Variants in BAZ1B observed in about 807,000 individuals in gnomAD.
The protein encoded by BAZ1B is bromodomain adjacent to zinc finger domain 1B.
A neutral mutation model predicts 153.8 loss-of-function variants in BAZ1B; 22 were observed. That is an observed-to-expected ratio of 0.14 (90% CI 0.10 to 0.20). BAZ1B has a LOEUF of 0.20. BAZ1B is among the 10% of genes least tolerant of loss of function. The pLI is 1.00. For missense variants in BAZ1B, 1,325 were observed against 1,799.3 expected, an observed-to-expected ratio of 0.74 and a Z score of 4.77; for synonymous variants, 676 against 633.4, an observed-to-expected ratio of 1.07 and a Z score of -1.01.
At chr7:73,442,902 G>A (rs1787682604) in intron 17 of BAZ1B, 74 bp from the exon 18 acceptor site, 13 of 1,102,606 alleles carry the variant, frequency 1.2e-5, no homozygotes, top group South Asian at 2.7e-5. Flanking sequence ...GAAAATAAGT[G>A]TATCTGCTCA....
At position 73,484,038 on chromosome 7, in the gene BAZ1B, C is replaced by A. The variant is rs184825654; in HGVS notation, c.891+5156G>T. On this transcript the variant is annotated intron_variant, in intron 6 of 19. Coordinates refer to ENST00000339594, the MANE Select transcript of BAZ1B (RefSeq NM_032408.4). ...ATCCCAGCACTTTGGGAGGCCGAGG[C>A]TGGTGGATCACAAGGTCCAGGGATT... 7.8e-3 allele frequency among the ~76,000 whole-genome samples: 1,182 copies of A among 152,240 alleles called. 17 individuals carry two copies. Among genetic ancestry groups the A allele is most frequent in the African/African-American group, 0.028 (1,157 of 41,544 alleles).
intron 1 of BAZ1B, 119 bp from the exon 2 acceptor site, chr7:73,510,971 G>T: frequency 1.2e-6 from 1 of 815,694 alleles, no homozygotes; most frequent in South Asian, 1.7e-5. Flanking sequence ...TAGCATGAGA[G>T]GATAAAAATG....
At chr7:73,500,726 A>G (rs1554577012) in intron 3 of BAZ1B, among the ~76,000 whole-genome samples, 1 of 151,496 alleles carries the variant, frequency 6.6e-6, no homozygotes, top group Non-Finnish European at 1.5e-5. Context: ...CTTCGTCTCT[A>G]CTAAAAATAC....
At chr7:73,485,381 G>A (rs1417106545) in intron 6 of BAZ1B, among the ~76,000 whole-genome samples, 2 of 152,092 alleles carry the variant, frequency 1.3e-5, no homozygotes, top group Non-Finnish European at 2.9e-5. Context: ...AACACTTTGG[G>A]AGGCTGAGGC....
intron 15 of BAZ1B, 118 bp downstream of exon 15, chr7:73,449,424 G>C: frequency 1.6e-6 from 2 of 1,253,256 alleles, no homozygotes; most frequent in East Asian, 5.2e-5. Flanking sequence ...ATCAGGCTCT[G>C]TACCCAAAAG....
chr7:73,444,580 C>G (rs1447477286), intron 16 of BAZ1B, among the ~76,000 whole-genome samples: 3 of 152,138 alleles, frequency 2.0e-5, no homozygotes, highest in Non-Finnish European at 4.4e-5. Flanking sequence ...GTTGTAATTC[C>G]CAGAGTTATT....
chr7:73,459,422 C>T, intron 13 of BAZ1B, 114 bp downstream of exon 13: 3 of 997,434 alleles, frequency 3.0e-6, no homozygotes, highest in Non-Finnish European at 2.9e-6. Flanking sequence ...CACACAAAAA[C>T]ACTCACTCAG....
chr7:73,456,201 T>C (rs1554569505), intron 13 of BAZ1B, among the ~76,000 whole-genome samples: 2 of 151,946 alleles, frequency 1.3e-5, no homozygotes, highest in South Asian at 2.1e-4. Context: ...CTATAAAATA[T>C]CTAGAAAAAT....
At chr7:73,467,661 G>A (rs1453466447) in intron 9 of BAZ1B, among the ~76,000 whole-genome samples, 2 of 152,190 alleles carry the variant, frequency 1.3e-5, no homozygotes, top group Non-Finnish European at 2.9e-5. Context: ...ATCAGCCACT[G>A]CATCCAGCCT....
At position 73,492,802 on chromosome 7, in the gene BAZ1B, T is replaced by C. The variant is rs1007211240; in HGVS notation, c.691A>G (p.Lys231Glu). The C allele has an allele frequency of 3.1e-6, 5 of 1,602,830 alleles. No homozygotes were observed. The highest frequency in any genetic ancestry group is 4.3e-6 in the Non-Finnish European group (5 of 1,176,432). The part of the protein sequence containing the change: ...KYDVKLQNED[K>E]IISNVPADSL... ...TAAAAAGTAAAGTGTCAACTAACCT[T>C]ATCTTCATTTTGTAGTTTCACATCA... Residue 231 changes from lysine (K) to glutamate (E), a missense_variant and splice_region_variant, in exon 5 of 20, where the codon AAG (lysine) becomes GAG (glutamate). By Grantham distance (56) the Lys-to-Glu change is moderately conservative (BLOSUM62 1). Around this residue, in one of 9 missense-constraint regions of BAZ1B, gnomAD observed 153 missense variants for 204.8 expected, o/e 0.75. Coordinates refer to ENST00000339594, the MANE Select transcript of BAZ1B (RefSeq NM_032408.4).
chr7:73,494,070 G>A (rs116087110), intron 4 of BAZ1B, among the ~76,000 whole-genome samples: 1,911 of 151,960 alleles, frequency 0.013, 43 homozygotes, highest in African/African-American at 0.044. Context: ...ACTAACTACG[G>A]TGCATTTTGG....
rs190688096 is a variant in BAZ1B at position 73,459,575 on chromosome 7, C to T, written c.3393G>A (p.Glu1131=). 39 of 1,613,840 alleles carry T rather than the reference C, an allele frequency of 2.4e-5. 1 individual carries two copies. The East Asian group carries it at 8.5e-4, about 35-fold the overall frequency. Residue 1131 remains glutamate (E), a synonymous_variant, in exon 13 of 20, where the codon GAG becomes GAA. Coordinates refer to ENST00000339594, the MANE Select transcript of BAZ1B (RefSeq NM_032408.4). ...KLQSEDSAKT[E]EVDEEKKMVE... ...CCATTTTCTTCTCTTCATCCACTTC[C>T]TCAGTTTTTGCTGAATCTTCACTTT... is the stretch of plus-strand genomic sequence containing the variant.
chr7:73,495,465 G>A (rs1789837902), intron 4 of BAZ1B, among the ~76,000 whole-genome samples: 2 of 152,088 alleles, frequency 1.3e-5, no homozygotes. Flanking sequence ...GCAAAGAATA[G>A]AATCCTATGG....
At chr7:73,504,415 G>A (rs1221893715) in intron 3 of BAZ1B, among the ~76,000 whole-genome samples, 1 of 152,116 alleles carries the variant, frequency 6.6e-6, no homozygotes, top group Non-Finnish European at 1.5e-5. Context: ...TGTAATCCCA[G>A]CACTCTGGGA....
chr7:73,520,433 G>C (rs1790989851), intron 1 of BAZ1B, among the ~76,000 whole-genome samples: 1 of 152,028 alleles, frequency 6.6e-6, no homozygotes, highest in South Asian at 2.1e-4. Flanking sequence ...TTCTTCTGTT[G>C]ATTGACTTAC....
At chr7:73,463,620 T>G (rs768329017) in intron 11 of BAZ1B, among the ~76,000 whole-genome samples, 3 of 152,134 alleles carry the variant, frequency 2.0e-5, no homozygotes, top group Non-Finnish European at 4.4e-5. Context: ...TCAACACACA[T>G]AGCTATCAAA....
intron 1 of BAZ1B, among the ~76,000 whole-genome samples, chr7:73,511,781 G>A (rs919105578): frequency 6.6e-6 from 1 of 150,920 alleles, no homozygotes; most frequent in African/African-American, 2.4e-5. Flanking sequence ...AGAACTTTGG[G>A]AGTCCGAGGC....
At chr7:73,472,830 C>T (rs1248106074) in intron 7 of BAZ1B, among the ~76,000 whole-genome samples, 1 of 150,166 alleles carries the variant, frequency 6.7e-6, no homozygotes, top group Non-Finnish European at 1.5e-5. Flanking sequence ...GATCTCGGCT[C>T]TCTGCAACCT....
chr7:73,462,715 T>C, intron 12 of BAZ1B: 2 of 575,344 alleles, frequency 3.5e-6, no homozygotes, highest in Middle Eastern at 4.8e-4. Context: ...GTAAGCCAAT[T>C]ACTAAGTTTT....
Sources: gnomAD v4.1 joint callset for allele counts (sites outside exome capture counted in the v4.1 genomes callset) on GRCh38, gnomAD v4.1.1 for gene constraint, gnomAD v4.1.1 regional missense constraint, MANE v1.5 for transcripts, NCBI Gene and HGNC (gene_info 2026-07-23, HGNC 2026-07-21) for gene names.